Variants in CNNM2 observed in about 807,000 individuals in gnomAD.
The protein encoded by CNNM2 is cyclin and CBS domain divalent metal cation transport mediator 2.
Under a neutral mutation model 66.9 loss-of-function variants are expected in CNNM2, and 12 were observed. That is an observed-to-expected ratio of 0.18 (90% CI 0.11 to 0.29). The LOEUF (loss-of-function observed/expected upper bound fraction) is 0.29. CNNM2 is among the 10% of genes least tolerant of loss of function. CNNM2 has a pLI of 1.00. For synonymous variants in CNNM2, 557 were observed against 501.8 expected, an observed-to-expected ratio of 1.11 and a Z score of -1.47; for missense variants, 705 against 1,167.7, an observed-to-expected ratio of 0.60 and a Z score of 5.77.
At chr10:102,947,363 C>T (rs1050027584) in intron 1 of CNNM2, among the ~76,000 whole-genome samples, 2 of 152,070 alleles carry the variant, frequency 1.3e-5, no homozygotes, top group Non-Finnish European at 2.9e-5. Context: ...AAGATGTATG[C>T]GTCTTCTAGT....
chr10:103,001,134 C>T (rs990944891), intron 1 of CNNM2, among the ~76,000 whole-genome samples: 1 of 151,930 alleles, frequency 6.6e-6, no homozygotes, highest in Admixed American at 6.6e-5. Context: ...TTAGATTAGT[C>T]AAAATTATAG....
At chr10:102,961,067 G>A in intron 1 of CNNM2, among the ~76,000 whole-genome samples, 1 of 151,664 alleles carries the variant, frequency 6.6e-6, no homozygotes, top group East Asian at 1.9e-4. Flanking sequence ...CAGTAGATAC[G>A]GGGTTTCACC....
intron 1 of CNNM2, among the ~76,000 whole-genome samples, chr10:103,037,435 A>ATGTATT (rs2064962247): frequency 6.6e-6 from 1 of 151,922 alleles, no homozygotes. Context: ...GCTACTCAAT[A>ATGTATT]TGTATTTGAG....
chr10:102,932,788 A>G (rs998909453), intron 1 of CNNM2, among the ~76,000 whole-genome samples: 1 of 151,630 alleles, frequency 6.6e-6, no homozygotes, highest in African/African-American at 2.4e-5. Context: ...GTGGTGGTGC[A>G]TGCCTGTAGT....
intron 2 of CNNM2, among the ~76,000 whole-genome samples, chr10:103,051,349 T>G (rs1293823072): frequency 6.6e-6 from 1 of 152,006 alleles, no homozygotes. Context: ...GAGAATCACT[T>G]GAACCCGGGA....
intron 1 of CNNM2, among the ~76,000 whole-genome samples, chr10:102,988,629 AC>A (rs2063841816): frequency 6.6e-6 from 1 of 152,124 alleles, no homozygotes; most frequent in African/African-American, 2.4e-5. Context: ...GCATCCAGGG[AC>A]CTCAGCTCAT....
At chr10:102,982,499 G>C (rs1564831128) in intron 1 of CNNM2, among the ~76,000 whole-genome samples, 1 of 152,218 alleles carries the variant, frequency 6.6e-6, no homozygotes, top group Non-Finnish European at 1.5e-5. Context: ...GCAGAGAAGA[G>C]GAAAAACATA....
chr10:102,927,653 T>A (rs1845917354), intron 1 of CNNM2: 1 of 420,416 alleles, frequency 2.4e-6, no homozygotes. Context: ...AATTCCCAGC[T>A]TCTTGGGAGG....
chr10:103,006,697 G>A (rs1244311918), intron 1 of CNNM2, among the ~76,000 whole-genome samples: 1 of 152,162 alleles, frequency 6.6e-6, no homozygotes, highest in Admixed American at 6.5e-5. Flanking sequence ...TGCGATCTCA[G>A]CTTACCGCAG....
intron 1 of CNNM2, among the ~76,000 whole-genome samples, chr10:102,956,818 CAT>C (rs1847057927): frequency 6.6e-6 from 1 of 151,632 alleles, no homozygotes; most frequent in East Asian, 1.9e-4. Context: ...TGGGGCCTGT[CAT>C]GTGGTGGGGG....
chr10:102,977,163 T>C (rs1002761495), intron 1 of CNNM2, among the ~76,000 whole-genome samples: 6 of 152,218 alleles, frequency 3.9e-5, no homozygotes, highest in Non-Finnish European at 5.9e-5. Flanking sequence ...GATGGCCCAA[T>C]TGTGACAAGC....
In CNNM2 at chr10:102,919,627, A is replaced by G. The variant is rs1845550578; in HGVS notation, c.1147A>G (p.Met383Val). 1 of 1,613,978 alleles carries G rather than the reference A, an allele frequency of 6.2e-7. No individual in the cohort carries two copies. Among genetic ancestry groups the G allele is most frequent in the Non-Finnish European group, 8.5e-7 (1 of 1,180,030 alleles). Residue 383 changes from methionine to valine, a missense_variant, in exon 1 of 8, where the codon ATG (methionine) becomes GTG (valine). This residue lies in a region of CNNM2 where 27 missense variants were observed against 40.7 expected (regional missense o/e 0.66). Transcript: ENST00000369878. ...CACCATCTTCCTCACCAAGTTTTTCATGATGATGACCTTCCCCGCTTCCTA... is the reference window on the plus strand; with the variant it reads ...CACCATCTTCCTCACCAAGTTTTTCGTGATGATGACCTTCCCCGCTTCCTA... ...ANTIFLTKFF[M>V]MMTFPASYPV...
At chr10:102,974,458 T>C (rs950940094) in intron 1 of CNNM2, among the ~76,000 whole-genome samples, 1 of 152,150 alleles carries the variant, frequency 6.6e-6, no homozygotes, top group Non-Finnish European at 1.5e-5. Context: ...CTTAAGGACA[T>C]CTGCGGAGGG....
rs145537350 is a variant in CNNM2, at chr10:103,078,084, G to C, written c.*904G>C. On this transcript the variant is annotated 3_prime_UTR_variant, in exon 8 of 8. Coordinates refer to ENST00000369878, the MANE Select transcript of CNNM2 (RefSeq NM_017649.5). ...GCCCACCTCCCTGGTCCTTGCTCTT[G>C]TTAACCCAAGATGCTGCTACACAGA... is the stretch of plus-strand genomic sequence containing the variant. 9.3e-3 allele frequency: 1,417 copies of C among 152,530 alleles called. 15 individuals are homozygous for C. Among genetic ancestry groups the C allele is most frequent in the Admixed American group, 0.035 (534 of 15,286 alleles). The allele number at this position is 152,530 out of a possible 1,614,324, so 9.4% of individuals were successfully genotyped here. A position where few individuals can be genotyped will look rare whatever the true frequency, so the allele number is the denominator to read the frequency against.
Position 103,076,206 on chromosome 10 carries a change from C to G in CNNM2, c.2354C>G (p.Ser785Trp). The G allele has an allele frequency of 6.3e-7, 1 of 1,589,940 alleles. No individual in the cohort carries two copies. The highest frequency in any genetic ancestry group is 8.6e-7 in the Non-Finnish European group (1 of 1,168,094). The change falls in exon 7 of 8, where the codon TCG becomes TGG. Residue 785 changes from serine (S) to tryptophan (W), a missense_variant. Ser to Trp is a radical substitution (Grantham distance 177, BLOSUM62 -3). Transcript: ENST00000369878. ...LGSSNNQLNS[S>W]LLQVYIPDYS... ...AGCAGCAATAACCAGCTCAATTCTT[C>G]GCTCCTCCAAGTCTACATCCCCGAT...
intron 1 of CNNM2, among the ~76,000 whole-genome samples, chr10:102,961,693 C>T (rs2063381920): frequency 6.6e-6 from 1 of 151,958 alleles, no homozygotes; most frequent in Non-Finnish European, 1.5e-5. Context: ...AGTAGTTAAT[C>T]TGAGAATAGT....
At chr10:103,074,856 A>T (rs1431584366) in intron 6 of CNNM2, among the ~76,000 whole-genome samples, 1 of 152,146 alleles carries the variant, frequency 6.6e-6, no homozygotes, top group East Asian at 1.9e-4. Flanking sequence ...ATATTAGGAG[A>T]AAGTGAACTC....
intron 1 of CNNM2, among the ~76,000 whole-genome samples, chr10:102,984,034 G>A (rs2063759129): frequency 6.6e-6 from 1 of 152,194 alleles, no homozygotes; most frequent in African/African-American, 2.4e-5. Context: ...GGGATTACAG[G>A]TGTGAGCCAC....
chr10:102,983,633 GTCTT>G (rs1482412869), intron 1 of CNNM2, among the ~76,000 whole-genome samples: 3 of 152,010 alleles, frequency 2.0e-5, no homozygotes, highest in Non-Finnish European at 4.4e-5. Flanking sequence ...TAGAGACAGG[GTCTT>G]TCTATGTTGC....
Sources: allele counts gnomAD v4.1 joint callset (sites outside exome capture counted in the v4.1 genomes callset), GRCh38; gene constraint gnomAD v4.1.1; regional missense constraint gnomAD v4.1.1; transcripts MANE v1.5; gene names NCBI Gene and HGNC (gene_info 2026-07-23, HGNC 2026-07-21).